GSTA2: variants seen among roughly 807,000 people sequenced by gnomAD.
GSTA2 encodes the protein glutathione S-transferase alpha 2.
A neutral mutation model predicts 22.4 loss-of-function variants in GSTA2; 27 were observed. The ratio of observed to expected loss-of-function variants is 1.21; its 90% CI spans 0.89 to 1.67. GSTA2 has a LOEUF of 1.67. Among genes scored for constraint, GSTA2 ranks in the 40% most tolerant of loss-of-function variants. The pLI is 0.00. For synonymous variants in GSTA2, 121 were observed against 86.8 expected (o/e 1.39, Z -2.19); for missense variants, 302 against 260.2 (o/e 1.16, Z -1.11).
At chr6:52,760,427 G>T (rs924848663) in intron 1 of GSTA2, among the ~76,000 whole-genome samples, 4 of 152,174 alleles carry the variant, frequency 2.6e-5, no homozygotes, top group African/African-American at 9.7e-5. Flanking sequence ...AGAGCTCAAG[G>T]ATTTGCCATG....
intron 3 of GSTA2, among the ~76,000 whole-genome samples, chr6:52,755,411 A>G (rs955099692): frequency 4.7e-4 from 71 of 152,172 alleles, no homozygotes; most frequent in African/African-American, 1.6e-3. Context: ...ATGGTGTCTC[A>G]CCATGTTGGC....
intron 4 of GSTA2, among the ~76,000 whole-genome samples, chr6:52,754,698 G>A (rs1430464932): frequency 6.6e-6 from 1 of 152,068 alleles, no homozygotes; most frequent in Non-Finnish European, 1.5e-5. Context: ...TGAGAGTTTG[G>A]AAACCTTTGT....
At chr6:52,762,715 T>C (rs1308646330) in intron 1 of GSTA2, among the ~76,000 whole-genome samples, 1 of 152,204 alleles carries the variant, frequency 6.6e-6, no homozygotes, top group African/African-American at 2.4e-5. Context: ...CTATACTTTG[T>C]CTCTGTGTCT....
chr6:52,751,532 T>C, intron 6 of GSTA2, 45 bp downstream of exon 6: 1 of 1,612,338 alleles, frequency 6.2e-7, no homozygotes. Flanking sequence ...GATCCCAAGA[T>C]GGGAGATGTG....
rs1157543147 is a variant in GSTA2, at chr6:52,750,920, C to T, written c.547-221G>A. ...AGATGTCTTGAAATTTTAATCAGTT[C>T]AGTCATCCCTATCTTTCTTCTTACA... On this transcript the variant is annotated intron_variant, in intron 6 of 6. Coordinates refer to ENST00000493422, the MANE Select transcript of GSTA2 (RefSeq NM_000846.5). Among the ~76,000 whole-genome samples, 3 of 152,210 alleles carry T rather than the reference C, an allele frequency of 2.0e-5. No individual in the cohort carries two copies. In the South Asian group the frequency reaches 6.2e-4, roughly 32 times the overall value.
At chr6:52,753,302 G>A (rs1762779960) in intron 4 of GSTA2, among the ~76,000 whole-genome samples, 1 of 152,082 alleles carries the variant, frequency 6.6e-6, no homozygotes, top group South Asian at 2.1e-4. Flanking sequence ...GAGAGAAATT[G>A]GTGGAATCAC....
rs1255063037 is a variant in GSTA2 at position 52,756,264 on chromosome 6, T to C, written c.133A>G (p.Arg45Gly). ...ACTTAGAGGTTGATCTTACCATTTC[T>C]TAACTTGTCCAAATCTTCTGCAGAT... ...IKSAEDLDKLRNDGYLMFQQV... is the reference protein window; with the variant it reads ...IKSAEDLDKLGNDGYLMFQQV... The change falls in exon 3 of 7, where the codon AGA becomes GGA. Residue 45 changes from arginine to glycine, a missense_variant. By Grantham distance (125) the Arg-to-Gly change is moderately radical. Transcript: ENST00000493422. 3.1e-6 allele frequency: 5 copies of C among 1,603,592 alleles called. No individual in the cohort carries two copies. In the Admixed American group the frequency reaches 8.3e-5, roughly 27 times the overall value.
In GSTA2 at chr6:52,757,949, G is replaced by A. The variant is rs780117604; in HGVS notation, c.-2C>T. The A allele has an allele frequency of 2.3e-5, 37 of 1,609,858 alleles. No homozygotes were observed. Among genetic ancestry groups the A allele is most frequent in the Middle Eastern group, 1.6e-4 (1 of 6,068 alleles). On this transcript the variant is annotated 5_prime_UTR_variant, in exon 2 of 7. Coordinates refer to ENST00000493422, the MANE Select transcript of GSTA2 (RefSeq NM_000846.5). ...GTGGAGCTTGGGCTTCTCTGCCATG[G>A]TAGCAGTCTCCTGGAGGTTTCTCTA...
intron 3 of GSTA2, 84 bp from the exon 4 acceptor site, chr6:52,755,159 CT>C: frequency 6.5e-7 from 1 of 1,528,234 alleles, no homozygotes; most frequent in Non-Finnish European, 8.8e-7. Context: ...GTTGAAATGA[CT>C]AAATTTGTAA....
chr6:52,761,511 CTT>C (rs1166893170), intron 1 of GSTA2, among the ~76,000 whole-genome samples: 1 of 145,716 alleles, frequency 6.9e-6, no homozygotes, highest in East Asian at 2.0e-4. Context: ...TGAATCCAGA[CTT>C]ATATCAAATC....
chr6:52,753,979 G>A (rs1762793353), intron 4 of GSTA2, among the ~76,000 whole-genome samples: 1 of 152,120 alleles, frequency 6.6e-6, no homozygotes, highest in Admixed American at 6.5e-5. Flanking sequence ...CCTATAATAT[G>A]TGGCCTTCTG....
At chr6:52,753,168 C>A (rs921468533) in intron 4 of GSTA2, among the ~76,000 whole-genome samples, 173 bp from the exon 5 acceptor site, 1 of 148,646 alleles carries the variant, frequency 6.7e-6, no homozygotes, top group African/African-American at 2.6e-5. Flanking sequence ...AGTCATTATG[C>A]TCTGAGTTTT....
intron 2 of GSTA2, 119 bp from the exon 3 acceptor site, chr6:52,756,428 G>A (rs148505304): frequency 3.8e-6 from 3 of 790,830 alleles, no homozygotes; most frequent in East Asian, 2.7e-5. Flanking sequence ...GTTTGGCAGG[G>A]TACACAGAGG....
intron 3 of GSTA2, among the ~76,000 whole-genome samples, chr6:52,755,342 T>G (rs1186879475): frequency 6.6e-6 from 1 of 151,872 alleles, no homozygotes; most frequent in African/African-American, 2.4e-5. Context: ...AGCCTCTCTA[T>G]AGCTGAGATT....
chr6:52,750,796 A>C, intron 6 of GSTA2, 97 bp from the exon 7 acceptor site: 1 of 1,484,434 alleles, frequency 6.7e-7, no homozygotes, highest in Non-Finnish European at 9.1e-7. Context: ...CCTGCCAAAG[A>C]CCAAGTGAGT....
rs762895835 is a variant in GSTA2, at chr6:52,750,627, G to A, written c.619C>T (p.Pro207Ser). ...TCTTCTAAAGATTTCTCATCCATGG[G>A]AGGCTTCCTTGGGCTGCCAGGCTGT... The part of the protein sequence containing the change: ...FLQPGSPRKP[P>S]MDEKSLEESR... Residue 207 changes from proline (P) to serine (S), a missense_variant, in exon 7 of 7, where the codon CCC becomes TCC. By Grantham distance (74) the Pro-to-Ser change is moderately conservative (BLOSUM62 -1). Coordinates refer to ENST00000493422, the MANE Select transcript of GSTA2 (RefSeq NM_000846.5). The A allele has an allele frequency of 1.9e-6, 3 of 1,613,590 alleles. No homozygotes were observed. Among genetic ancestry groups the A allele is most frequent in the Non-Finnish European group, 2.5e-6 (3 of 1,179,772 alleles).
chr6:52,750,778 G>C (rs1235490329), intron 6 of GSTA2, 79 bp from the exon 7 acceptor site: 17 of 1,559,300 alleles, frequency 1.1e-5, no homozygotes, highest in Non-Finnish European at 1.5e-5. Flanking sequence ...CAGGGAATCT[G>C]AGTCCCTCCT....
rs190568126 is a variant in GSTA2 at position 52,750,956 on chromosome 6, A to G, written c.547-257T>C. Among the ~76,000 whole-genome samples the G allele has an allele frequency of 2.2e-4, 34 of 152,334 alleles. No individual in the cohort carries two copies. The East Asian group carries it at 6.2e-3, about 28-fold the overall frequency. On this transcript the variant is annotated intron_variant, in intron 6 of 6. Coordinates refer to ENST00000493422, the MANE Select transcript of GSTA2 (RefSeq NM_000846.5). ...ATCTTTCTTCTTACATATTAATCCT[A>G]TAGATTAGTGACTCTTGTATAAGAC...
chr6:52,756,006 C>G (rs1581774277), intron 3 of GSTA2, among the ~76,000 whole-genome samples: 1 of 152,134 alleles, frequency 6.6e-6, no homozygotes, highest in Admixed American at 6.5e-5. Context: ...AGCATGAAAA[C>G]AAAGAAAGGG....
Sources: gnomAD v4.1 joint callset for allele counts (sites outside exome capture counted in the v4.1 genomes callset) on GRCh38, gnomAD v4.1.1 for gene constraint, MANE v1.5 for transcripts, NCBI Gene and HGNC (gene_info 2026-07-23, HGNC 2026-07-21) for gene names.